FBXW11: variants seen among roughly 807,000 people sequenced by gnomAD.
The protein encoded by FBXW11 is F-box and WD repeat domain containing 11.
In FBXW11, 19 loss-of-function variants were observed where a neutral mutation model predicts 77.6. The observed-to-expected ratio is 0.24, with a 90% CI of 0.17 to 0.36. The LOEUF (loss-of-function observed/expected upper bound fraction) is 0.36. Ranked by LOEUF, FBXW11 falls within the 10% of genes least tolerant of loss-of-function variation. The pLI, the probability that FBXW11 is intolerant of heterozygous loss-of-function variation, is 1.00. For missense variants in FBXW11, 334 were observed against 704.2 expected (o/e 0.47, Z 5.95); for synonymous variants, 235 against 249.4 (o/e 0.94, Z 0.54).
intron 5 of FBXW11, 51 bp downstream of exon 5, chr5:171,899,863 A>C (rs1256964433): frequency 7.0e-7 from 1 of 1,436,926 alleles, no homozygotes; most frequent in South Asian, 1.5e-5. Context: ...AATCAAGCTG[A>C]CTCTATGTCA....
chr5:171,899,296 G>A (rs778458690), intron 5 of FBXW11, among the ~76,000 whole-genome samples: 1 of 152,090 alleles, frequency 6.6e-6, no homozygotes, highest in Non-Finnish European at 1.5e-5. Context: ...AATCCTGATC[G>A]TGTTTTCTGA....
chr5:171,896,481 C>T (rs144135411), intron 6 of FBXW11, among the ~76,000 whole-genome samples: 17 of 152,292 alleles, frequency 1.1e-4, no homozygotes, highest in South Asian at 2.1e-4. Flanking sequence ...GTCAAGGACA[C>T]TGCGTATTCA....
At chr5:171,972,163 T>C (rs543197701) in intron 1 of FBXW11, among the ~76,000 whole-genome samples, 1 of 149,284 alleles carries the variant, frequency 6.7e-6, no homozygotes, top group African/African-American at 2.5e-5. Context: ...GCCTGGGAAG[T>C]CGAGGCTGCA....
intron 6 of FBXW11, among the ~76,000 whole-genome samples, chr5:171,892,021 G>A (rs1022759590): frequency 6.6e-6 from 1 of 152,176 alleles, no homozygotes; most frequent in African/African-American, 2.4e-5. Context: ...TGATCACTGA[G>A]GAAAGATAGT....
chr5:171,975,053 C>A (rs1764751977), intron 1 of FBXW11, among the ~76,000 whole-genome samples: 1 of 152,196 alleles, frequency 6.6e-6, no homozygotes. Flanking sequence ...CTCGGCCTCC[C>A]AAAGTGCTGG....
chr5:171,955,243 C>T (rs1012081054), intron 2 of FBXW11, among the ~76,000 whole-genome samples: 2 of 152,192 alleles, frequency 1.3e-5, no homozygotes, highest in African/African-American at 4.8e-5. Flanking sequence ...GCCATATAGA[C>T]AGGTCAATGG....
chr5:171,941,654 G>A (rs545295844), intron 2 of FBXW11, among the ~76,000 whole-genome samples: 201 of 151,748 alleles, frequency 1.3e-3, no homozygotes, highest in African/African-American at 4.6e-3. Flanking sequence ...CTTTCAAATT[G>A]AGAAACAAAA....
At chr5:171,884,359 G>C (rs1186407476) in intron 7 of FBXW11, among the ~76,000 whole-genome samples, 1 of 152,066 alleles carries the variant, frequency 6.6e-6, no homozygotes, top group Admixed American at 6.6e-5. Flanking sequence ...TAAGTATTTG[G>C]GTTTATTTCT....
At chr5:171,948,197 T>C (rs1025274873) in intron 2 of FBXW11, among the ~76,000 whole-genome samples, 1 of 131,340 alleles carries the variant, frequency 7.6e-6, no homozygotes, top group African/African-American at 3.0e-5. Flanking sequence ...ATCATGCCAC[T>C]GCACACCAGC....
chr5:171,952,447 A>ATTTTTTTTTTTTTTTTTTTTTTT (rs1164383563), intron 2 of FBXW11, among the ~76,000 whole-genome samples: 1 of 6,942 alleles, frequency 1.4e-4, no homozygotes, highest in Non-Finnish European at 3.2e-4. Context: ...ATATATATAT[A>ATTTTTTTTTTTTTTTTTTTTTTT]TTTTTTTTTT....
chr5:171,873,229 G>T (rs1757864316), intron 9 of FBXW11, among the ~76,000 whole-genome samples: 1 of 152,160 alleles, frequency 6.6e-6, no homozygotes, highest in Non-Finnish European at 1.5e-5. Context: ...CAGTCTTTGA[G>T]ATCTTTACAA....
intron 7 of FBXW11, among the ~76,000 whole-genome samples, chr5:171,890,598 T>C (rs1252289974): frequency 2.0e-5 from 3 of 152,106 alleles, no homozygotes; most frequent in Non-Finnish European, 4.4e-5. Flanking sequence ...ACTTACCATA[T>C]GAGCCAGTAA....
chr5:171,931,860 CCTCT>C (rs149065535), intron 2 of FBXW11, among the ~76,000 whole-genome samples: 318 of 6,254 alleles, frequency 0.051, 9 homozygotes, highest in Non-Finnish European at 0.08. Flanking sequence ...TCCCTCCCTC[CCTCT>C]CTCTCTCTCT....
intron 6 of FBXW11, among the ~76,000 whole-genome samples, chr5:171,896,642 C>A (rs1291272558): frequency 6.6e-6 from 1 of 152,176 alleles, no homozygotes; most frequent in Non-Finnish European, 1.5e-5. Flanking sequence ...GTTAAAAGCC[C>A]ATCCCATCTC....
At chr5:171,948,719 C>T (rs926213342) in intron 2 of FBXW11, among the ~76,000 whole-genome samples, 7 of 152,226 alleles carry the variant, frequency 4.6e-5, no homozygotes, top group African/African-American at 1.7e-4. Flanking sequence ...GTATCAGGTA[C>T]ATGACATTTT....
chr5:171,999,478 C>A (rs1233379968), intron 1 of FBXW11, among the ~76,000 whole-genome samples: 1 of 151,770 alleles, frequency 6.6e-6, no homozygotes, highest in Non-Finnish European at 1.5e-5. Context: ...TCCCTAATTG[C>A]TGGCAGGCCT....
At chr5:171,915,222 C>T (rs1761148583) in intron 2 of FBXW11, among the ~76,000 whole-genome samples, 2 of 152,100 alleles carry the variant, frequency 1.3e-5, no homozygotes, top group Admixed American at 1.3e-4. Context: ...TCTCTAAATT[C>T]CTTCCAAAAC....
chr5:171,973,346 T>G lies in FBXW11; in HGVS notation c.46-15648A>C, dbSNP rs75547756. ...AGATGGGAGAGGCGATTTTTATAGATTCAAAGAGATATAAGAAACTATTCA... is the reference window on the plus strand; with the variant it reads ...AGATGGGAGAGGCGATTTTTATAGAGTCAAAGAGATATAAGAAACTATTCA... On this transcript the variant is annotated intron_variant, in intron 1 of 13. Coordinates refer to ENST00000517395, the MANE Select transcript of FBXW11 (RefSeq NM_001378974.1). Among the ~76,000 whole-genome samples the G allele has an allele frequency of 1.6e-4, 25 of 152,292 alleles. No homozygotes were observed. In the East Asian group the frequency reaches 4.8e-3, roughly 29 times the overall value.
At chr5:171,992,688 G>A (rs771800629) in intron 1 of FBXW11, among the ~76,000 whole-genome samples, 1 of 151,976 alleles carries the variant, frequency 6.6e-6, no homozygotes, top group African/African-American at 2.4e-5. Context: ...TCTATACTCT[G>A]AGTAATCATG....
Sources: allele counts gnomAD v4.1 joint callset (sites outside exome capture counted in the v4.1 genomes callset), GRCh38; gene constraint gnomAD v4.1.1; transcripts MANE v1.5; gene names NCBI Gene and HGNC (gene_info 2026-07-23, HGNC 2026-07-21).